DNAH6: variants seen among roughly 807,000 people sequenced by gnomAD.
The protein encoded by DNAH6 is axonemal beta dynein heavy chain 6.
DNAH6 carries 340 observed loss-of-function variants against 491.4 expected under a neutral mutation model. That is an observed-to-expected ratio of 0.69 (90% confidence interval 0.63 to 0.76). The LOEUF is 0.76. Among genes scored for constraint, DNAH6 ranks in the 30% least tolerant of loss-of-function variants. DNAH6 has a pLI of 0.00. For synonymous variants in DNAH6, 1,603 were observed against 1,686.1 expected (o/e 0.95, Z 1.21); for missense variants, 4,443 against 4,972.2 (o/e 0.89, Z 3.20).
At chr2:84,598,414 T>G (rs1459779597) in intron 18 of DNAH6, among the ~76,000 whole-genome samples, 1 of 152,170 alleles carries the variant, frequency 6.6e-6, no homozygotes, top group Non-Finnish European at 1.5e-5. Flanking sequence ...GATATCTGAG[T>G]TCTGTCTCAT....
intron 76 of DNAH6, among the ~76,000 whole-genome samples, chr2:84,818,896 A>G (rs1030321138): frequency 1.3e-5 from 2 of 152,182 alleles, no homozygotes; most frequent in Non-Finnish European, 2.9e-5. Context: ...CAACTGGTGA[A>G]ACCCCGCCTC....
At chr2:84,490,825 G>A in the DNAH6 span, among the ~76,000 whole-genome samples, 1 of 152,110 alleles carries the variant, frequency 6.6e-6, no homozygotes, top group South Asian at 2.1e-4. Context: ...ACCTCCCAAA[G>A]TGCTGATTTA....
intron 62 of DNAH6, among the ~76,000 whole-genome samples, chr2:84,737,981 T>C (rs1443838871): frequency 6.6e-6 from 1 of 152,066 alleles, no homozygotes; most frequent in Non-Finnish European, 1.5e-5. Flanking sequence ...CGATGTAGTT[T>C]TTCAGTGCTA....
intron 69 of DNAH6, among the ~76,000 whole-genome samples, chr2:84,797,214 T>C (rs1678439433): frequency 6.6e-6 from 1 of 152,210 alleles, no homozygotes; most frequent in South Asian, 2.1e-4. Flanking sequence ...AAGCCCTTAA[T>C]GAGTTACACC....
At chr2:84,522,419 A>C (rs1170207452) in intron 2 of DNAH6, among the ~76,000 whole-genome samples, 1 of 152,164 alleles carries the variant, frequency 6.6e-6, no homozygotes, top group African/African-American at 2.4e-5. Context: ...TCATCTGCAA[A>C]CAGGGATAGT....
At chr2:84,749,475 A>T (rs1266082008) in intron 63 of DNAH6, among the ~76,000 whole-genome samples, 3 of 152,164 alleles carry the variant, frequency 2.0e-5, no homozygotes, top group Non-Finnish European at 4.4e-5. Context: ...CCAAGTGATG[A>T]CAATGTTCTG....
chr2:84,696,291 G>T (rs1043424210), intron 46 of DNAH6, among the ~76,000 whole-genome samples: 2 of 151,714 alleles, frequency 1.3e-5, no homozygotes, highest in African/African-American at 4.8e-5. Context: ...AGCTGTACTC[G>T]TAACATTCTT....
chr2:84,517,366 T>TC (rs1177563558), intron 1 of DNAH6, among the ~76,000 whole-genome samples: 1 of 152,190 alleles, frequency 6.6e-6, no homozygotes, highest in Non-Finnish European at 1.5e-5. Context: ...AGCCCTCAAT[T>TC]CTTTTTTTTC....
intron 15 of DNAH6, among the ~76,000 whole-genome samples, chr2:84,587,363 C>A (rs1259784026): frequency 6.6e-6 from 1 of 152,170 alleles, no homozygotes; most frequent in African/African-American, 2.4e-5. Context: ...TACTGATTGG[C>A]ATTTAGATTG....
intron 63 of DNAH6, among the ~76,000 whole-genome samples, chr2:84,751,813 C>T (rs1437172924): frequency 6.6e-6 from 1 of 152,194 alleles, no homozygotes; most frequent in Non-Finnish European, 1.5e-5. Flanking sequence ...GGGCCCATCC[C>T]CCAGTTTCTG....
intron 51 of DNAH6, among the ~76,000 whole-genome samples, chr2:84,704,521 G>A (rs760940965): frequency 2.0e-5 from 3 of 152,190 alleles, no homozygotes; most frequent in Non-Finnish European, 4.4e-5. Context: ...CAGGCTAGTG[G>A]GAAGACAGAC....
intron 12 of DNAH6, among the ~76,000 whole-genome samples, chr2:84,575,536 G>A (rs1488162926): frequency 6.6e-6 from 1 of 152,178 alleles, no homozygotes; most frequent in African/African-American, 2.4e-5. Context: ...GGATTAAACA[G>A]CTAGTGAGCA....
At chr2:84,538,637 A>G (rs1002098095) in intron 4 of DNAH6, among the ~76,000 whole-genome samples, 2 of 152,118 alleles carry the variant, frequency 1.3e-5, no homozygotes, top group Non-Finnish European at 2.9e-5. Flanking sequence ...GTGTTCTGTG[A>G]TCATGTAAAT....
intron 66 of DNAH6, 75 bp downstream of exon 66, chr2:84,784,885 C>A: frequency 9.6e-7 from 1 of 1,046,246 alleles, no homozygotes; most frequent in South Asian, 1.4e-5. Context: ...CCCAGGAGAT[C>A]AGAGCCTGCA....
intron 50 of DNAH6, 59 bp from the exon 51 acceptor site, chr2:84,704,008 T>A: frequency 7.5e-7 from 1 of 1,325,626 alleles, no homozygotes; most frequent in Non-Finnish European, 1.0e-6. Flanking sequence ...ATTGGCTTTG[T>A]TTTGAATATT....
At chr2:84,473,815 C>T in the DNAH6 span, among the ~76,000 whole-genome samples, 1 of 152,164 alleles carries the variant, frequency 6.6e-6, no homozygotes, top group African/African-American at 2.4e-5. Context: ...TTAACCCTGT[C>T]ATATCTACAG....
chr2:84,615,672 A>G (rs1484629264), intron 22 of DNAH6, among the ~76,000 whole-genome samples: 2 of 152,106 alleles, frequency 1.3e-5, no homozygotes, highest in Non-Finnish European at 2.9e-5. Context: ...TCATGAACAT[A>G]GGATGTGTTT....
chr2:84,658,707 C>T (rs1052384980), intron 36 of DNAH6, among the ~76,000 whole-genome samples: 5 of 152,020 alleles, frequency 3.3e-5, no homozygotes, highest in African/African-American at 1.2e-4. Context: ...CAACATATTC[C>T]CAATACAAGA....
At chr2:84,646,092 G>A (rs1180235007) in intron 33 of DNAH6, among the ~76,000 whole-genome samples, 1 of 152,130 alleles carries the variant, frequency 6.6e-6, no homozygotes, top group Non-Finnish European at 1.5e-5. Context: ...TTCACCATGT[G>A]TATATGTGGC....
Sources: allele counts gnomAD v4.1 joint callset (sites outside exome capture counted in the v4.1 genomes callset), GRCh38; gene constraint gnomAD v4.1.1; transcripts MANE v1.5; gene names NCBI Gene and HGNC (gene_info 2026-07-23, HGNC 2026-07-21).